The following CCDC3 variants were observed in gnomAD, a reference collection of about 807,000 sequenced individuals.
CCDC3 encodes coiled-coil domain-containing protein 3.
CCDC3 carries 24 observed loss-of-function variants against 21.4 expected under a neutral mutation model. The ratio of observed to expected loss-of-function variants is 1.12; its 90% CI spans 0.81 to 1.58. The LOEUF is 1.58. CCDC3 is among the 40% of genes most tolerant of loss of function. The pLI, the probability that CCDC3 is intolerant of heterozygous loss-of-function variation, is 0.00. For synonymous variants in CCDC3, 186 were observed against 166.0 expected (o/e 1.12, Z -0.93); for missense variants, 425 against 360.9 (o/e 1.18, Z -1.44).
chr10:13,026,945 T>A (rs1441038691), intron 5 of CCDC3, among the ~76,000 whole-genome samples: 1 of 152,166 alleles, frequency 6.6e-6, no homozygotes, highest in East Asian at 1.9e-4. Flanking sequence ...AGATCCGTCA[T>A]TTTACCAGAT....
At chr10:13,076,339 G>A (rs996472145) in intron 3 of CCDC3, among the ~76,000 whole-genome samples, 13 of 152,232 alleles carry the variant, frequency 8.5e-5, no homozygotes, top group African/African-American at 3.1e-4. Flanking sequence ...TAGGAAAAAT[G>A]AGGCTGGGAC....
At chr10:13,080,809 T>C (rs570158) in intron 3 of CCDC3, among the ~76,000 whole-genome samples, 119,065 of 152,252 alleles carry the variant, frequency 0.78, 46,877 homozygotes, top group Middle Eastern at 0.86. Context: ...GCCAGGCAGT[T>C]GTTAGACAGC....
At position 12,998,481 on chromosome 10, in the gene CCDC3, C is replaced by T. The variant is rs139188420; in HGVS notation, c.406G>A (p.Gly136Arg). 232 of 1,613,910 alleles carry T rather than the reference C, an allele frequency of 1.4e-4. No individual in the cohort carries two copies. Among genetic ancestry groups the T allele is most frequent in the Non-Finnish European group, 1.8e-4 (214 of 1,180,014 alleles). The change falls in exon 2 of 3, where the codon GGA becomes AGA. Residue 136 changes from glycine (G) to arginine (R), a missense_variant. Physicochemically the swap from Gly to Arg is moderately radical, Grantham distance 125. Coordinates refer to ENST00000378825, the MANE Select transcript of CCDC3 (RefSeq NM_031455.4). The part of the protein sequence containing the change: ...MDENYNLLPH[G>R]VNFQDAIFPD... ...AAGATGGCATCTTGGAAATTGACTC[C>T]GTGAGGCAAGAGGTTATAATTTTCA...
At chr10:12,917,476 G>C (rs947736258) in intron 2 of CCDC3, among the ~76,000 whole-genome samples, 1 of 152,078 alleles carries the variant, frequency 6.6e-6, no homozygotes, top group African/African-American at 2.4e-5. Context: ...GATTACAGGC[G>C]TGAGCCACTG....
Position 12,949,408 on chromosome 10 carries a change from G to A in CCDC3, c.549+48930C>T, listed in dbSNP as rs181917048. Among the ~76,000 whole-genome samples, 31 of 152,300 alleles carry A rather than the reference G, an allele frequency of 2.0e-4. 1 individual carries two copies. In the East Asian group the frequency reaches 5.8e-3, roughly 28 times the overall value. On this transcript the variant is annotated intron_variant, in intron 2 of 2. Transcript: ENST00000378825. ...GTTGGCTGGAATGCAGACGTGATAT[G>A]GCTGGAGCTGCCATCTTGGACCAGG...
At chr10:13,016,801 T>C (rs918184099) in intron 5 of CCDC3, among the ~76,000 whole-genome samples, 1 of 152,118 alleles carries the variant, frequency 6.6e-6, no homozygotes, top group Non-Finnish European at 1.5e-5. Flanking sequence ...TGCATTTTTC[T>C]TCCCCTGCAC....
intron 3 of CCDC3, among the ~76,000 whole-genome samples, chr10:13,097,578 G>T (rs1832643854): frequency 6.6e-6 from 1 of 152,154 alleles, no homozygotes; most frequent in East Asian, 1.9e-4. Flanking sequence ...GCAAAAATTA[G>T]CTTGGTGTGG....
chr10:12,947,552 A>G (rs573851594), intron 2 of CCDC3, among the ~76,000 whole-genome samples: 8 of 152,246 alleles, frequency 5.3e-5, no homozygotes, highest in African/African-American at 1.7e-4. Flanking sequence ...TGACTTTGTC[A>G]CCTCAGCTAC....
chr10:13,030,700 C>T (rs534198920), intron 5 of CCDC3, among the ~76,000 whole-genome samples: 106 of 152,148 alleles, frequency 7.0e-4, no homozygotes, highest in Non-Finnish European at 2.1e-4. Context: ...CAATCCTAGT[C>T]TCTGATAAAA....
chr10:13,014,818 A>T (rs1371794152), intron 5 of CCDC3, among the ~76,000 whole-genome samples: 4 of 152,136 alleles, frequency 2.6e-5, no homozygotes, highest in African/African-American at 9.6e-5. Flanking sequence ...GGATTGGCAT[A>T]AGTAATTTCT....
At chr10:13,001,139 C>A in intron 1 of CCDC3, 58 bp downstream of exon 1, 1 of 1,512,912 alleles carries the variant, frequency 6.6e-7, no homozygotes, top group Non-Finnish European at 8.9e-7. Context: ...TAGGTAACGG[C>A]GACCTCGGGA....
At chr10:13,015,540 C>T (rs546504048) in intron 5 of CCDC3, among the ~76,000 whole-genome samples, 5 of 152,050 alleles carry the variant, frequency 3.3e-5, no homozygotes, top group Non-Finnish European at 7.4e-5. Context: ...TTACGACTGC[C>T]TTGCAAAGGT....
chr10:12,947,023 A>G (rs765702640), intron 2 of CCDC3, among the ~76,000 whole-genome samples: 3 of 152,162 alleles, frequency 2.0e-5, no homozygotes, highest in Non-Finnish European at 4.4e-5. Flanking sequence ...TTTTGTTTCT[A>G]TCTCCACAGT....
rs12256610 is a variant in CCDC3, at chr10:12,986,559, G to T, written c.549+11779C>A. On this transcript the variant is annotated intron_variant, in intron 2 of 2. Coordinates refer to ENST00000378825, the MANE Select transcript of CCDC3 (RefSeq NM_031455.4). ...GGAGGCCAAGGCGGGCGGATCACAA[G>T]GTCAGGAGATGGAAACCACTCTAGC... Among the ~76,000 whole-genome samples, 1,051 of 152,288 alleles carry T rather than the reference G, an allele frequency of 6.9e-3. 8 individuals are homozygous for T. The highest frequency in any genetic ancestry group is 0.022 in the African/African-American group (915 of 41,562).
intron 2 of CCDC3, among the ~76,000 whole-genome samples, chr10:12,931,782 C>G (rs1363372192): frequency 6.6e-6 from 1 of 152,176 alleles, no homozygotes; most frequent in African/African-American, 2.4e-5. Context: ...GCCAGAGATC[C>G]TAAACTGTCC....
At chr10:13,020,051 A>G (rs1386183947) in intron 5 of CCDC3, among the ~76,000 whole-genome samples, 1 of 152,238 alleles carries the variant, frequency 6.6e-6, no homozygotes, top group Admixed American at 6.5e-5. Context: ...TAAATTATGA[A>G]TTTACAAATA....
rs544638940 is a variant in CCDC3 at position 13,097,317 on chromosome 10, C to A, written c.-503+1208G>T. Among the ~76,000 whole-genome samples the A allele has an allele frequency of 8.4e-4, 128 of 152,330 alleles. 1 individual carries two copies. Among genetic ancestry groups the A allele is most frequent in the African/African-American group, 2.9e-3 (121 of 41,570 alleles). On this transcript the variant is annotated intron_variant, in intron 3 of 6. Transcript: ENST00000378839. ...GAAACAGAACCGGCTCTAACACAAG[C>A]AACAGCAACAAACACCATGAGCCAG...
chr10:12,948,542 T>C (rs945563126), intron 2 of CCDC3, among the ~76,000 whole-genome samples: 17 of 151,810 alleles, frequency 1.1e-4, no homozygotes, highest in Non-Finnish European at 7.4e-5. Context: ...TTCTCTACCT[T>C]TGGGACTTTT....
At chr10:12,986,269 G>A (rs559457499) in intron 2 of CCDC3, among the ~76,000 whole-genome samples, 2 of 152,312 alleles carry the variant, frequency 1.3e-5, no homozygotes, top group South Asian at 2.1e-4. Flanking sequence ...GTACACAAAT[G>A]AGTGCCTGTG....
Sources: allele counts gnomAD v4.1 joint callset (sites outside exome capture counted in the v4.1 genomes callset), GRCh38; gene constraint gnomAD v4.1.1; transcripts MANE v1.5; gene names NCBI Gene and HGNC (gene_info 2026-07-23, HGNC 2026-07-21).